MED15: variants seen among roughly 807,000 people sequenced by gnomAD.
The protein encoded by MED15 is mediator complex subunit 15.
A neutral mutation model predicts 118.7 loss-of-function variants in MED15; 41 were observed. The ratio of observed to expected loss-of-function variants is 0.35; its 90% CI spans 0.27 to 0.45. The LOEUF (loss-of-function observed/expected upper bound fraction) is 0.45. MED15 is among the 20% of genes least tolerant of loss of function. MED15 has a pLI of 1.00. For missense variants in MED15, 740 were observed against 1,025.5 expected (o/e 0.72, Z 3.80); for synonymous variants, 436 against 413.9 (o/e 1.05, Z -0.65).
At chr22:20,569,184 CTG>C (rs562347264) in intron 8 of MED15, among the ~76,000 whole-genome samples, 214 of 152,280 alleles carry the variant, frequency 1.4e-3, no homozygotes, top group Middle Eastern at 3.4e-3. Flanking sequence ...GTGTGTGTCT[CTG>C]TGTGTCACGT....
intron 2 of MED15, among the ~76,000 whole-genome samples, chr22:20,537,805 A>C (rs2055139399): frequency 6.6e-6 from 1 of 152,222 alleles, no homozygotes; most frequent in Non-Finnish European, 1.5e-5. Context: ...GAAATGAACA[A>C]AACACATATT....
At chr22:20,533,451 A>G (rs1278543997) in intron 1 of MED15, among the ~76,000 whole-genome samples, 1 of 152,220 alleles carries the variant, frequency 6.6e-6, no homozygotes, top group African/African-American at 2.4e-5. Context: ...CAGAACTGCA[A>G]AACCACACAG....
At chr22:20,512,696 A>G (rs965955836) in intron 1 of MED15, among the ~76,000 whole-genome samples, 1 of 141,236 alleles carries the variant, frequency 7.1e-6, no homozygotes, top group Non-Finnish European at 1.5e-5. Flanking sequence ...GGTTCACGCC[A>G]TTCTCCTGCC....
At chr22:20,510,056 C>T (rs934306153) in intron 1 of MED15, among the ~76,000 whole-genome samples, 1 of 152,072 alleles carries the variant, frequency 6.6e-6, no homozygotes, top group East Asian at 1.9e-4. Context: ...TTTCTGTTGC[C>T]GCTCTAACAA....
chr22:20,567,463 G>A (rs1332632706), intron 7 of MED15, among the ~76,000 whole-genome samples: 1 of 152,136 alleles, frequency 6.6e-6, no homozygotes, highest in Non-Finnish European at 1.5e-5. Flanking sequence ...TTTTCTGTTT[G>A]TGATTCATGA....
Position 20,585,269 on chromosome 22 carries a change from T to C in MED15, c.2131+2T>C. 1 of 1,612,784 alleles carries C rather than the reference T, an allele frequency of 6.2e-7. No homozygotes were observed. The highest frequency in any genetic ancestry group is 8.5e-7 in the Non-Finnish European group (1 of 1,179,466). ...CTGTCCACCTGATCTGCAAGCTGGG[T>C]GAGTGTCCAGAGGGCCGGGACTGGT... On this transcript the variant is annotated splice_donor_variant, in intron 16 of 17. Transcript: ENST00000263205. LOFTEE classifies it high-confidence loss of function.
chr22:20,583,461 T>G, intron 13 of MED15, 68 bp downstream of exon 13: 1 of 1,571,670 alleles, frequency 6.4e-7, no homozygotes, highest in Admixed American at 1.7e-5. Flanking sequence ...GATGGGCACT[T>G]GGTGATGATG....
chr22:20,520,287 G>A (rs1487245450), intron 1 of MED15, among the ~76,000 whole-genome samples: 1 of 152,190 alleles, frequency 6.6e-6, no homozygotes, highest in Non-Finnish European at 1.5e-5. Flanking sequence ...CTCTTTCCAA[G>A]CTTCCTTTCA....
At chr22:20,522,965 T>G (rs1246193936) in intron 1 of MED15, 1 of 152,172 alleles carries the variant, frequency 6.6e-6, no homozygotes, top group Non-Finnish European at 1.5e-5. Flanking sequence ...CCTGTTTTGG[T>G]CAGTACCTTC....
In MED15 at chr22:20,585,774, C is replaced by T. The variant is rs374926704; in HGVS notation, c.2178C>T (p.Pro726=). The T allele has an allele frequency of 3.7e-6, 6 of 1,613,460 alleles. No individual in the cohort carries two copies. The highest frequency in any genetic ancestry group is 4.2e-6 in the Non-Finnish European group (5 of 1,179,990). Residue 726 remains proline, a synonymous_variant, in exon 17 of 18, where the codon CCC becomes CCT. Transcript: ENST00000263205. The part of the protein sequence containing the change: ...PSVPPLELSV[P]ADYPAQSPLW... ...TGCCACCACTGGAGCTCAGTGTGCC[C>T]GCTGACTATCCTGCCCAAAGCCCGC...
At chr22:20,521,240 G>A (rs1192815466) in intron 1 of MED15, among the ~76,000 whole-genome samples, 1 of 150,822 alleles carries the variant, frequency 6.6e-6, no homozygotes, top group Non-Finnish European at 1.5e-5. Flanking sequence ...GGGATTACAG[G>A]CACGTACCAC....
At chr22:20,553,744 C>T (rs999394758) in intron 4 of MED15, among the ~76,000 whole-genome samples, 2 of 151,966 alleles carry the variant, frequency 1.3e-5, no homozygotes, top group African/African-American at 4.8e-5. Flanking sequence ...TGGTGGCATG[C>T]GTTGTAGTCC....
rs556864719 is a variant in MED15 at position 20,544,615 on chromosome 22, G to A, written c.157-6821G>A. Among the ~76,000 whole-genome samples the A allele has an allele frequency of 1.0e-3, 159 of 152,264 alleles. 1 individual carries two copies. Among genetic ancestry groups the A allele is most frequent in the Non-Finnish European group, 2.1e-3 (143 of 68,010 alleles). On this transcript the variant is annotated intron_variant, in intron 2 of 17. Coordinates refer to ENST00000263205, the MANE Select transcript of MED15 (RefSeq NM_001003891.3). The stretch of plus-strand genomic sequence containing the variant: ...CGGGAGGTGGAGCTTGCAGTGAGCC[G>A]AGATCGCGGCACTGCACACCAGCCT...
At position 20,564,638 on chromosome 22, in the gene MED15, C is replaced by G. The variant is rs772504514; in HGVS notation, c.640C>G (p.Gln214Glu). 6.2e-7 allele frequency: 1 copy of G among 1,612,996 alleles called. No homozygotes were observed. Among genetic ancestry groups the G allele is most frequent in the African/African-American group, 1.3e-5 (1 of 74,588 alleles). ...VQQQQQLQQQ[Q>E]QQQQHLIKLH... ...GCAGCAGCAGCAGCTCCAGCAGCAG[C>G]AGCAGCAGCAGCAGCATCTAATTAA... The change falls in exon 6 of 18, where the codon CAG becomes GAG. Residue 214 changes from glutamine (Q) to glutamate (E), a missense_variant. This residue lies in a region of MED15 where 384 missense variants were observed against 506.3 expected (regional missense o/e 0.76). Transcript: ENST00000263205.
Position 20,532,050 on chromosome 22 carries a change from G to A in MED15, c.69-5067G>A, listed in dbSNP as rs557765916. ...GCTGCCTGCTCTGCTGGTGAGGAGC[G>A]AGGCTCAAAGCAAGCAGGGGCCTGG... is the stretch of plus-strand genomic sequence containing the variant. On this transcript the variant is annotated intron_variant, in intron 1 of 17. Transcript: ENST00000263205. 3.9e-5 allele frequency among the ~76,000 whole-genome samples: 6 copies of A among 152,338 alleles called. No homozygotes were observed. The South Asian group carries it at 6.2e-4, about 16-fold the overall frequency.
chr22:20,556,651 G>A (rs895540039), intron 5 of MED15, among the ~76,000 whole-genome samples: 5 of 152,138 alleles, frequency 3.3e-5, no homozygotes, highest in Non-Finnish European at 7.3e-5. Flanking sequence ...ATGGGTATGT[G>A]TAGGTCTGTG....
intron 2 of MED15, among the ~76,000 whole-genome samples, chr22:20,537,859 CAG>C (rs1601516984): frequency 6.6e-6 from 1 of 152,192 alleles, no homozygotes. Flanking sequence ...TGCAAGAGCA[CAG>C]GGACTGAGGT....
At chr22:20,568,458 A>G in intron 7 of MED15, 63 bp from the exon 8 acceptor site, 1 of 1,577,118 alleles carries the variant, frequency 6.3e-7, no homozygotes, top group Middle Eastern at 1.7e-4. Context: ...CTTCCACAGG[A>G]AGACTAGGCT....
intron 8 of MED15, among the ~76,000 whole-genome samples, chr22:20,570,746 C>CTTTGTTTT (rs1569236484): frequency 1.6e-5 from 1 of 62,068 alleles, no homozygotes; most frequent in African/African-American, 7.3e-5. Flanking sequence ...TTCTTTCTTT[C>CTTTGTTTT]TTTTTTTTTT....
Sources: allele counts gnomAD v4.1 joint callset (sites outside exome capture counted in the v4.1 genomes callset), GRCh38; gene constraint gnomAD v4.1.1; regional missense constraint gnomAD v4.1.1; transcripts MANE v1.5; gene names NCBI Gene and HGNC (gene_info 2026-07-23, HGNC 2026-07-21).